CPXM2: variants seen among roughly 807,000 people sequenced by gnomAD.
The protein encoded by CPXM2 is inactive carboxypeptidase-like protein X2.
In CPXM2, 66 loss-of-function variants were observed where a neutral mutation model predicts 86.1. That is an observed-to-expected ratio of 0.77 (90% CI 0.63 to 0.94). CPXM2 has a LOEUF of 0.94. Among genes scored for constraint, CPXM2 ranks in the 40% least tolerant of loss-of-function variants. The probability of loss-of-function intolerance (pLI) is 0.00; values close to 1 mark genes in which losing one functional copy is unlikely to be tolerated. For synonymous variants in CPXM2, 388 were observed against 400.2 expected, an observed-to-expected ratio of 0.97 and a Z score of 0.36; for missense variants, 948 against 1,026.3, an observed-to-expected ratio of 0.92 and a Z score of 1.04.
intron 12 of CPXM2, 109 bp downstream of exon 12, chr10:123,757,104 G>T: frequency 9.8e-7 from 1 of 1,023,044 alleles, no homozygotes; most frequent in Non-Finnish European, 1.5e-6. Flanking sequence ...GCTGGCCCAG[G>T]ATGACGGCCA....
chr10:123,926,959 G>A (rs895581732), intron 2 of CPXM2, among the ~76,000 whole-genome samples: 3 of 152,212 alleles, frequency 2.0e-5, no homozygotes, highest in Non-Finnish European at 2.9e-5. Context: ...TCTCAGAGAA[G>A]AGACAGACTT....
intron 4 of CPXM2, among the ~76,000 whole-genome samples, chr10:123,805,361 G>A (rs940998676): frequency 6.6e-6 from 1 of 151,840 alleles, no homozygotes; most frequent in Non-Finnish European, 1.5e-5. Flanking sequence ...TTCCCTCTGA[G>A]CACTCTTTAG....
At chr10:123,909,617 T>A (rs1479992110) in intron 2 of CPXM2, among the ~76,000 whole-genome samples, 1 of 152,216 alleles carries the variant, frequency 6.6e-6, no homozygotes, top group East Asian at 1.9e-4. Context: ...CGGTACTAAA[T>A]CTTTGTCAAC....
intron 3 of CPXM2, among the ~76,000 whole-genome samples, chr10:123,860,830 C>T (rs2134192934): frequency 6.6e-6 from 1 of 152,358 alleles, no homozygotes; most frequent in South Asian, 2.1e-4. Flanking sequence ...CAGTTGTGCA[C>T]ATCCAAATAT....
At chr10:123,902,704 G>T (rs1945395135) in intron 2 of CPXM2, among the ~76,000 whole-genome samples, 1 of 152,190 alleles carries the variant, frequency 6.6e-6, no homozygotes, top group Non-Finnish European at 1.5e-5. Flanking sequence ...CCTCCCTCAT[G>T]ACTTAATCAC....
chr10:123,931,999 G>A lies in CPXM2; in HGVS notation n.174+7478C>T, dbSNP rs368978202. The stretch of plus-strand genomic sequence containing the variant: ...AAGTCAGGTCTTAAGTCAGTATACA[G>A]AGTATAAGTCTGAGTGGTTTTTTTT... On this transcript the variant is annotated intron_variant and non_coding_transcript_variant, in intron 2 of 19. Transcript: ENST00000368854. 3.9e-5 allele frequency among the ~76,000 whole-genome samples: 6 copies of A among 152,304 alleles called. No homozygotes were observed. In the East Asian group the frequency reaches 5.8e-4, roughly 15 times the overall value.
intron 2 of CPXM2, among the ~76,000 whole-genome samples, chr10:123,911,883 C>G (rs112744852): frequency 0.048 from 7,365 of 152,046 alleles, 592 homozygotes; most frequent in African/African-American, 0.16. Context: ...TCAATTCTTG[C>G]CTCCTCCGAA....
chr10:123,818,910 A>G (rs530559840), intron 4 of CPXM2, among the ~76,000 whole-genome samples: 1 of 152,260 alleles, frequency 6.6e-6, no homozygotes, highest in South Asian at 2.1e-4. Flanking sequence ...TGGAAGTGGA[A>G]GTGGCACCAC....
intron 3 of CPXM2, among the ~76,000 whole-genome samples, chr10:123,842,834 G>A (rs1848414382): frequency 6.6e-6 from 1 of 152,190 alleles, no homozygotes; most frequent in Non-Finnish European, 1.5e-5. Flanking sequence ...AAGGTGAATC[G>A]TTCCCTCCCA....
chr10:123,828,749 A>G (rs1254173319), intron 4 of CPXM2, among the ~76,000 whole-genome samples: 1 of 152,232 alleles, frequency 6.6e-6, no homozygotes, highest in East Asian at 1.9e-4. Flanking sequence ...TAAATGTAAA[A>G]CATAAAACAA....
intron 2 of CPXM2, among the ~76,000 whole-genome samples, chr10:123,875,815 T>C (rs1286249109): frequency 4.2e-5 from 6 of 141,274 alleles, no homozygotes; most frequent in African/African-American, 1.3e-4. Flanking sequence ...TTCTTTTTTT[T>C]TTTTTTTTTT....
chr10:123,762,340 T>C (rs1026477910), intron 10 of CPXM2, among the ~76,000 whole-genome samples, 171 bp from the exon 11 acceptor site: 2 of 152,136 alleles, frequency 1.3e-5, no homozygotes, highest in African/African-American at 2.4e-5. Context: ...GAAAGACTCA[T>C]AAACCAATCA....
chr10:123,937,160 G>A (rs1228731207), intron 2 of CPXM2, among the ~76,000 whole-genome samples: 1 of 152,192 alleles, frequency 6.6e-6, no homozygotes, highest in African/African-American at 2.4e-5. Flanking sequence ...TTCCTCTGAT[G>A]TAACTCAGGC....
intron 3 of CPXM2, among the ~76,000 whole-genome samples, chr10:123,856,600 GT>G (rs200316280): frequency 1.8e-4 from 27 of 149,846 alleles, no homozygotes; most frequent in African/African-American, 6.1e-4. Context: ...GCTTTTTTTT[GT>G]TTTTTTTTGA....
intron 2 of CPXM2, among the ~76,000 whole-genome samples, chr10:123,863,924 G>A (rs1338353664): frequency 6.6e-6 from 1 of 152,142 alleles, no homozygotes; most frequent in East Asian, 1.9e-4. Flanking sequence ...AGCGGTCACT[G>A]GTATCCACCA....
At chr10:123,817,608 G>A (rs549735136) in intron 4 of CPXM2, among the ~76,000 whole-genome samples, 8 of 152,288 alleles carry the variant, frequency 5.3e-5, no homozygotes, top group South Asian at 2.1e-4. Context: ...TGGTATATAC[G>A]TAATTGGGCT....
intron 1 of CPXM2, among the ~76,000 whole-genome samples, chr10:123,882,700 G>A (rs1945111597): frequency 6.6e-6 from 1 of 152,126 alleles, no homozygotes; most frequent in African/African-American, 2.4e-5. Flanking sequence ...GAGAGAGGGA[G>A]CCAGGCGGTC....
intron 4 of CPXM2, among the ~76,000 whole-genome samples, chr10:123,808,779 C>T (rs1443961674): frequency 1.3e-5 from 2 of 152,110 alleles, no homozygotes; most frequent in African/African-American, 2.4e-5. Flanking sequence ...CAAAAAGCAA[C>T]AAACCTAGGT....
At chr10:123,759,672 C>T (rs1846290509) in intron 11 of CPXM2, among the ~76,000 whole-genome samples, 1 of 152,234 alleles carries the variant, frequency 6.6e-6, no homozygotes, top group Non-Finnish European at 1.5e-5. Flanking sequence ...TTTGTGTTCT[C>T]TCCCTGACTG....
Sources: allele counts gnomAD v4.1 joint callset (sites outside exome capture counted in the v4.1 genomes callset), GRCh38; gene constraint gnomAD v4.1.1; transcripts MANE v1.5; gene names NCBI Gene and HGNC (gene_info 2026-07-23, HGNC 2026-07-21).